TMEM135: variants seen among roughly 807,000 people sequenced by gnomAD.
The protein encoded by TMEM135 is peroxisomal membrane protein 52.
Under a neutral mutation model 60.3 loss-of-function variants are expected in TMEM135, and 30 were observed. The observed-to-expected ratio is 0.50, with a 90% CI of 0.37 to 0.68. The LOEUF (loss-of-function observed/expected upper bound fraction) is 0.68. Among genes scored for constraint, TMEM135 ranks in the 30% least tolerant of loss-of-function variants. The pLI is 0.00. For synonymous variants in TMEM135, 190 were observed against 186.7 expected, an observed-to-expected ratio of 1.02 and a Z score of -0.14; for missense variants, 468 against 548.8, an observed-to-expected ratio of 0.85 and a Z score of 1.47.
chr11:87,138,967 C>T (rs909703290), intron 4 of TMEM135, among the ~76,000 whole-genome samples: 5 of 152,262 alleles, frequency 3.3e-5, no homozygotes, highest in Middle Eastern at 3.4e-3. Flanking sequence ...AGCGTACCTA[C>T]GAGTATGACA....
intron 3 of TMEM135, among the ~76,000 whole-genome samples, chr11:87,088,771 C>T (rs1054259833): frequency 1.3e-5 from 2 of 152,114 alleles, no homozygotes; most frequent in African/African-American, 4.8e-5. Flanking sequence ...TGATTATAAA[C>T]CATTTTTGGA....
At chr11:87,050,540 T>C (rs1166494728) in intron 1 of TMEM135, among the ~76,000 whole-genome samples, 1 of 53,042 alleles carries the variant, frequency 1.9e-5, no homozygotes, top group Non-Finnish European at 3.0e-5. Flanking sequence ...CAAACACCTC[T>C]ACGCAAATAA....
At chr11:87,224,948 G>A (rs1425583503) in intron 5 of TMEM135, among the ~76,000 whole-genome samples, 1 of 151,572 alleles carries the variant, frequency 6.6e-6, no homozygotes, top group East Asian at 1.9e-4. Flanking sequence ...TATTTATTTT[G>A]GAAATTTAAA....
At chr11:87,264,530 A>G (rs996630307) in intron 6 of TMEM135, among the ~76,000 whole-genome samples, 1 of 151,904 alleles carries the variant, frequency 6.6e-6, no homozygotes, top group Non-Finnish European at 1.5e-5. Context: ...TTGCATTAGC[A>G]TATGTTTATA....
chr11:87,218,643 A>G (rs751405453), intron 5 of TMEM135, among the ~76,000 whole-genome samples: 3 of 152,158 alleles, frequency 2.0e-5, no homozygotes, highest in Non-Finnish European at 4.4e-5. Context: ...TCATGATTCC[A>G]AGCCGTCAAC....
intron 6 of TMEM135, among the ~76,000 whole-genome samples, chr11:87,293,984 T>G (rs566204199): frequency 6.6e-6 from 1 of 152,204 alleles, no homozygotes; most frequent in Non-Finnish European, 1.5e-5. Context: ...ACCAACAGTG[T>G]AAAAGCATTC....
rs1014519536 is a variant in TMEM135 at position 87,171,785 on chromosome 11, C to T, written c.462+14379C>T. On this transcript the variant is annotated intron_variant, in intron 5 of 14. Coordinates refer to ENST00000305494, the MANE Select transcript of TMEM135 (RefSeq NM_022918.4). ...GGCTTCGTCGAAGACAATTTTTCCA[C>T]GGGGGGCTTGGTTTTGGGATGAAAC... Among the ~76,000 whole-genome samples, 11 of 152,242 alleles carry T rather than the reference C, an allele frequency of 7.2e-5. No individual in the cohort carries two copies. In the South Asian group the frequency reaches 1.2e-3, roughly 17 times the overall value.
At chr11:87,305,859 A>G in intron 8 of TMEM135, 77 bp from the exon 9 acceptor site, 1 of 980,092 alleles carries the variant, frequency 1.0e-6, no homozygotes, top group Non-Finnish European at 1.5e-6. Flanking sequence ...CTTTAAACAG[A>G]TCCACAAACA....
At chr11:87,087,887 C>T (rs1857129996) in intron 3 of TMEM135, among the ~76,000 whole-genome samples, 1 of 152,122 alleles carries the variant, frequency 6.6e-6, no homozygotes, top group Non-Finnish European at 1.5e-5. Context: ...CAGGCATGCA[C>T]CACCACGCCC....
chr11:87,091,555 A>G (rs1021979332), intron 4 of TMEM135, among the ~76,000 whole-genome samples, 160 bp downstream of exon 4: 1 of 152,234 alleles, frequency 6.6e-6, no homozygotes, highest in South Asian at 2.1e-4. Flanking sequence ...CCTTGATACC[A>G]TCTGGTTTGT....
At chr11:87,220,155 A>G (rs1194516895) in intron 5 of TMEM135, among the ~76,000 whole-genome samples, 1 of 152,184 alleles carries the variant, frequency 6.6e-6, no homozygotes, top group Non-Finnish European at 1.5e-5. Flanking sequence ...CTTGATTAAG[A>G]TGAAGGAATG....
At chr11:87,208,576 C>A (rs1270354439) in intron 5 of TMEM135, among the ~76,000 whole-genome samples, 1 of 152,122 alleles carries the variant, frequency 6.6e-6, no homozygotes, top group African/African-American at 2.4e-5. Flanking sequence ...GAGACCAAAC[C>A]TACAACTCAT....
chr11:87,056,985 G>C (rs1241348452), intron 1 of TMEM135, among the ~76,000 whole-genome samples: 1 of 152,198 alleles, frequency 6.6e-6, no homozygotes, highest in Non-Finnish European at 1.5e-5. Flanking sequence ...GTATGAAAGA[G>C]TGTTTTGGTT....
At chr11:87,060,368 G>A (rs1385389996) in intron 1 of TMEM135, among the ~76,000 whole-genome samples, 2 of 152,198 alleles carry the variant, frequency 1.3e-5, no homozygotes, top group East Asian at 3.9e-4. Context: ...CCAAATTTTT[G>A]AAGAGTCAGG....
intron 6 of TMEM135, among the ~76,000 whole-genome samples, chr11:87,282,853 A>G (rs999669913): frequency 6.6e-6 from 1 of 152,142 alleles, no homozygotes; most frequent in African/African-American, 2.4e-5. Flanking sequence ...TTTTGTTCCA[A>G]TATTTTATTT....
intron 6 of TMEM135, among the ~76,000 whole-genome samples, chr11:87,257,206 T>A (rs1476536551): frequency 6.6e-6 from 1 of 152,202 alleles, no homozygotes; most frequent in African/African-American, 2.4e-5. Context: ...AGAAAGTTCT[T>A]AGATGAGACT....
intron 4 of TMEM135, chr11:87,121,611 C>G (rs1244886851): frequency 7.1e-6 from 1 of 140,680 alleles, no homozygotes. Flanking sequence ...ATTAAACTTT[C>G]TACTTTAGGA....
chr11:87,116,628 CAT>C (rs1555105892), intron 4 of TMEM135, among the ~76,000 whole-genome samples: 19,534 of 133,516 alleles, frequency 0.15, 1,335 homozygotes, highest in Middle Eastern at 0.17. Context: ...CACACACACA[CAT>C]ACACACACAC....
chr11:87,141,340 T>A (rs1225454336), intron 4 of TMEM135, among the ~76,000 whole-genome samples: 1 of 152,160 alleles, frequency 6.6e-6, no homozygotes, highest in East Asian at 1.9e-4. Flanking sequence ...TATATTTGTA[T>A]TCTAATGGAA....
Sources: allele counts gnomAD v4.1 joint callset (sites outside exome capture counted in the v4.1 genomes callset), GRCh38; gene constraint gnomAD v4.1.1; transcripts MANE v1.5; gene names NCBI Gene and HGNC (gene_info 2026-07-23, HGNC 2026-07-21).